The following SLC35F1 variants were observed in gnomAD, a reference collection of about 807,000 sequenced individuals.
SLC35F1 encodes the protein chromosome 6 open reading frame 169.
Under a neutral mutation model 48.7 loss-of-function variants are expected in SLC35F1, and 14 were observed. The ratio of observed to expected loss-of-function variants is 0.29; its 90% CI spans 0.19 to 0.45. The LOEUF (loss-of-function observed/expected upper bound fraction) is 0.45, where lower values mean the gene tolerates loss of function less well. Ranked by LOEUF, SLC35F1 falls within the 20% of genes least tolerant of loss-of-function variation. The pLI is 1.00. For missense variants in SLC35F1, 404 were observed against 500.0 expected, an observed-to-expected ratio of 0.81 and a Z score of 1.83; for synonymous variants, 190 against 202.2, an observed-to-expected ratio of 0.94 and a Z score of 0.51.
chr6:118,235,786 A>G, intron 3 of SLC35F1, 150 bp downstream of exon 3: 2 of 668,512 alleles, frequency 3.0e-6, no homozygotes, highest in Non-Finnish European at 4.3e-6. Flanking sequence ...TGTATACTAT[A>G]AGTCTATGAG....
At chr6:118,157,417 A>G (rs205964) in intron 2 of SLC35F1, among the ~76,000 whole-genome samples, 4,974 of 152,254 alleles carry the variant, frequency 0.033, 200 homozygotes, top group African/African-American at 0.083. Flanking sequence ...GAGCCGCAGG[A>G]CTAATAGGAT....
In SLC35F1 at chr6:118,126,857, A is replaced by C. The variant is rs1269084805; in HGVS notation, c.174-27588A>C. ...GTATCCTGAGACTTTGCTGAAGTTG[A>C]TTATCAGCTTAAGGAGATTTTGGGC... On this transcript the variant is annotated intron_variant, in intron 1 of 7. Coordinates refer to ENST00000360388, the MANE Select transcript of SLC35F1 (RefSeq NM_001029858.4). Among the ~76,000 whole-genome samples, 78 of 151,860 alleles carry C rather than the reference A, an allele frequency of 5.1e-4. No homozygotes were observed. The East Asian group carries it at 5.2e-3, about 10-fold the overall frequency.
chr6:118,270,794 A>G (rs1775842060), intron 4 of SLC35F1, among the ~76,000 whole-genome samples: 1 of 152,172 alleles, frequency 6.6e-6, no homozygotes, highest in Non-Finnish European at 1.5e-5. Flanking sequence ...GGAGTGTGTA[A>G]AAATGACTTA....
chr6:117,971,199 A>G (rs983921158), intron 1 of SLC35F1, among the ~76,000 whole-genome samples: 1 of 152,236 alleles, frequency 6.6e-6, no homozygotes, highest in Non-Finnish European at 1.5e-5. Flanking sequence ...GGCCTCGTGC[A>G]AGTCCGAAAT....
chr6:118,159,496 T>C (rs146238230), intron 2 of SLC35F1, among the ~76,000 whole-genome samples: 101 of 152,262 alleles, frequency 6.6e-4, no homozygotes, highest in African/African-American at 2.4e-3. Flanking sequence ...ACTAAGAAAG[T>C]ACAGTGAAGC....
chr6:117,979,873 G>T (rs1190422932), intron 1 of SLC35F1, among the ~76,000 whole-genome samples: 1 of 152,182 alleles, frequency 6.6e-6, no homozygotes, highest in South Asian at 2.1e-4. Flanking sequence ...AGCATGATGG[G>T]ATGATGGAGC....
chr6:117,994,148 T>C (rs1175251724), intron 1 of SLC35F1, among the ~76,000 whole-genome samples: 1 of 152,124 alleles, frequency 6.6e-6, no homozygotes, highest in Non-Finnish European at 1.5e-5. Flanking sequence ...TTGCTGCCTA[T>C]AAGCCAGGAC....
chr6:117,953,630 C>T (rs1273556655), intron 1 of SLC35F1, among the ~76,000 whole-genome samples: 1 of 152,160 alleles, frequency 6.6e-6, no homozygotes, highest in Non-Finnish European at 1.5e-5. Flanking sequence ...TGTTGTTTCC[C>T]ATCTGTGGGT....
chr6:117,942,953 G>C (rs1776250228), intron 1 of SLC35F1, among the ~76,000 whole-genome samples: 1 of 152,128 alleles, frequency 6.6e-6, no homozygotes, highest in African/African-American at 2.4e-5. Flanking sequence ...AGACAATTAT[G>C]ATCAATTTCT....
chr6:118,300,710 C>G (rs1416535190), intron 7 of SLC35F1, among the ~76,000 whole-genome samples: 1 of 152,102 alleles, frequency 6.6e-6, no homozygotes, highest in Non-Finnish European at 1.5e-5. Context: ...TCTGTTTTGA[C>G]TATTGTTATA....
intron 6 of SLC35F1, among the ~76,000 whole-genome samples, chr6:118,279,198 G>A (rs948071356): frequency 1.3e-5 from 2 of 152,204 alleles, no homozygotes; most frequent in African/African-American, 4.8e-5. Flanking sequence ...AATGGTTGAG[G>A]TGATGGATAT....
intron 1 of SLC35F1, among the ~76,000 whole-genome samples, chr6:117,986,037 C>G (rs976605551): frequency 6.6e-6 from 1 of 152,230 alleles, no homozygotes; most frequent in Admixed American, 6.5e-5. Context: ...ATCTCTTTCT[C>G]ACTCTGTCAG....
At chr6:118,014,118 G>A (rs1366827710) in intron 1 of SLC35F1, among the ~76,000 whole-genome samples, 1 of 152,158 alleles carries the variant, frequency 6.6e-6, no homozygotes, top group East Asian at 1.9e-4. Flanking sequence ...TGACCTCTGA[G>A]TTTCATTTTC....
intron 1 of SLC35F1, among the ~76,000 whole-genome samples, chr6:118,101,742 G>A (rs138760270): frequency 1.1e-3 from 168 of 152,308 alleles, no homozygotes; most frequent in African/African-American, 3.9e-3. Flanking sequence ...GGGTGGGCTC[G>A]AAGGGAAGCA....
chr6:118,047,334 C>T (rs1174450164), intron 1 of SLC35F1, among the ~76,000 whole-genome samples: 3 of 152,136 alleles, frequency 2.0e-5, no homozygotes, highest in Non-Finnish European at 2.9e-5. Flanking sequence ...AGACATAAAA[C>T]TTAGGGCATT....
rs1562234992 is a variant in SLC35F1 at position 117,911,412 on chromosome 6, TCCC to T, written c.173+3514_173+3516del. Among the ~76,000 whole-genome samples the T allele has an allele frequency of 7.9e-3, 117 of 14,810 alleles. 1 individual carries two copies. Among genetic ancestry groups the T allele is most frequent in the African/African-American group, 0.03 (115 of 3,868 alleles). 9.7% of individuals were successfully genotyped at this position (14,810 alleles called of 152,430 possible). On this transcript the variant is annotated intron_variant, in intron 1 of 7. Coordinates refer to ENST00000360388, the MANE Select transcript of SLC35F1 (RefSeq NM_001029858.4). Reference sequence around the variant, plus strand: ...CCTCCCCTCCCCTCCCCTCCCTCCCTCCCTCCCTCCCTCCCTTCCTTCCTTCCT... The same window carrying T: ...CCTCCCCTCCCCTCCCCTCCCTCCCTTCCCTCCCTCCCTTCCTTCCTTCCT...
Position 118,315,587 on chromosome 6 carries a change from C to T in SLC35F1, c.*1335C>T, listed in dbSNP as rs1407401248. 1 of 151,954 alleles carries T rather than the reference C, an allele frequency of 6.6e-6. No individual in the cohort carries two copies. Among genetic ancestry groups the T allele is most frequent in the East Asian group, 1.9e-4 (1 of 5,166 alleles). 9.4% of individuals were successfully genotyped at this position (151,954 alleles called of 1,614,324 possible). A position where few individuals can be genotyped will look rare whatever the true frequency, so the allele number is the denominator to read the frequency against. On this transcript the variant is annotated 3_prime_UTR_variant, in exon 8 of 8. Coordinates refer to ENST00000360388, the MANE Select transcript of SLC35F1 (RefSeq NM_001029858.4). ...CCCGAGTAGCTGGGACTACAGGCAC[C>T]TGCCACGACGCCCAGCTAATTTTTT...
At chr6:118,150,895 C>G (rs1774046576) in intron 1 of SLC35F1, among the ~76,000 whole-genome samples, 1 of 152,100 alleles carries the variant, frequency 6.6e-6, no homozygotes, top group Non-Finnish European at 1.5e-5. Flanking sequence ...TCACCATTTC[C>G]TTTTCACTTA....
At chr6:118,092,296 A>T (rs1051392606) in intron 1 of SLC35F1, among the ~76,000 whole-genome samples, 7 of 152,150 alleles carry the variant, frequency 4.6e-5, no homozygotes, top group African/African-American at 1.7e-4. Flanking sequence ...AAATGGTTTC[A>T]TGGGCCAGGC....
Sources: gnomAD v4.1 joint callset for allele counts (sites outside exome capture counted in the v4.1 genomes callset) on GRCh38, gnomAD v4.1.1 for gene constraint, MANE v1.5 for transcripts, NCBI Gene and HGNC (gene_info 2026-07-23, HGNC 2026-07-21) for gene names.